NLGN1: variants seen among roughly 807,000 people sequenced by gnomAD.
The protein encoded by NLGN1 is neuroligin-1.
In NLGN1, 12 loss-of-function variants were observed where a neutral mutation model predicts 65.5. The ratio of observed to expected loss-of-function variants is 0.18; its 90% CI spans 0.12 to 0.30. The LOEUF is 0.30. NLGN1 is among the 10% of genes least tolerant of loss of function. NLGN1 has a pLI of 1.00. For synonymous variants in NLGN1, 350 were observed against 359.5 expected (o/e 0.97, Z 0.30); for missense variants, 750 against 1,007.1 (o/e 0.74, Z 3.46).
intron 1 of NLGN1, among the ~76,000 whole-genome samples, chr3:173,406,506 A>G (rs1385639619): frequency 1.4e-5 from 2 of 147,912 alleles, no homozygotes; most frequent in South Asian, 2.1e-4. Context: ...AAATATATAT[A>G]TGAATCACAT....
rs548863081 is a variant in NLGN1, at chr3:174,038,625, A to G, written c.646+230793A>G. 1.4e-4 allele frequency among the ~76,000 whole-genome samples: 21 copies of G among 152,146 alleles called. No individual in the cohort carries two copies. The South Asian group carries it at 2.3e-3, about 17-fold the overall frequency. The stretch of plus-strand genomic sequence containing the variant: ...TCCTCCATGTGCTACATCTTATGGA[A>G]TATTTACTCTAAGGTTACCCCCCTG... On this transcript the variant is annotated intron_variant, in intron 4 of 6. Coordinates refer to ENST00000457714, the Ensembl canonical transcript of NLGN1.
intron 2 of NLGN1, among the ~76,000 whole-genome samples, chr3:173,471,314 A>G (rs183818248): frequency 1.1e-3 from 160 of 152,262 alleles, no homozygotes; most frequent in African/African-American, 3.6e-3. Context: ...TGAGATCAAG[A>G]CATCAGTAGG....
At chr3:173,699,344 A>T (rs1766754677) in intron 3 of NLGN1, among the ~76,000 whole-genome samples, 1 of 152,216 alleles carries the variant, frequency 6.6e-6, no homozygotes, top group African/African-American at 2.4e-5. Flanking sequence ...ATCCAAAATC[A>T]ACTTGACGTT....
At chr3:173,566,183 G>T (rs960378314) in intron 2 of NLGN1, among the ~76,000 whole-genome samples, 2 of 152,096 alleles carry the variant, frequency 1.3e-5, no homozygotes, top group Non-Finnish European at 2.9e-5. Flanking sequence ...GACTGTATCT[G>T]GTTAGTAAAT....
intron 4 of NLGN1, among the ~76,000 whole-genome samples, chr3:173,862,795 G>A (rs1052388237): frequency 1.3e-5 from 2 of 151,966 alleles, no homozygotes; most frequent in Admixed American, 1.3e-4. Context: ...TGATTTGGTT[G>A]GCAAGATATC....
At chr3:173,940,079 G>GTTTTTTT (rs1745752029) in intron 4 of NLGN1, among the ~76,000 whole-genome samples, 27 of 90,036 alleles carry the variant, frequency 3.0e-4, no homozygotes, top group Non-Finnish European at 3.8e-4. Flanking sequence ...AATAGTTATA[G>GTTTTTTT]CTTTTTTTTT....
intron 2 of NLGN1, among the ~76,000 whole-genome samples, chr3:173,567,617 T>C (rs181844432): frequency 1.3e-5 from 2 of 151,456 alleles, no homozygotes; most frequent in African/African-American, 4.8e-5. Context: ...TTTTATATAA[T>C]ATAATAAAAT....
Position 173,798,314 on chromosome 3 carries a change from G to A in NLGN1, c.494-9366G>A, listed in dbSNP as rs567041711. 2.6e-5 allele frequency among the ~76,000 whole-genome samples: 4 copies of A among 152,178 alleles called. No individual in the cohort carries two copies. The South Asian group carries it at 8.3e-4, about 32-fold the overall frequency. ...TGAATAAAACCATAATTTCTACATA[G>A]CAGCCTAGAAAATAGAAATGTATAT... On this transcript the variant is annotated intron_variant, in intron 3 of 6. Coordinates refer to ENST00000457714, the Ensembl canonical transcript of NLGN1.
At chr3:173,718,078 T>G (rs964047975) in intron 3 of NLGN1, among the ~76,000 whole-genome samples, 8 of 152,124 alleles carry the variant, frequency 5.3e-5, no homozygotes, top group Admixed American at 5.2e-4. Context: ...ACTTAAATAC[T>G]ATGTGTAGCG....
At chr3:173,953,221 A>G (rs571386473) in intron 4 of NLGN1, among the ~76,000 whole-genome samples, 5 of 152,350 alleles carry the variant, frequency 3.3e-5, no homozygotes, top group African/African-American at 1.2e-4. Context: ...CTGTCAGAGA[A>G]AAGAATTCAC....
intron 4 of NLGN1, among the ~76,000 whole-genome samples, chr3:173,837,318 T>A (rs1723822249): frequency 6.6e-6 from 1 of 152,126 alleles, no homozygotes; most frequent in South Asian, 2.1e-4. Context: ...GGCATATACT[T>A]TAGAGTAACA....
intron 3 of NLGN1, among the ~76,000 whole-genome samples, chr3:173,700,420 A>C (rs1159539624): frequency 6.6e-6 from 1 of 152,240 alleles, no homozygotes; most frequent in Non-Finnish European, 1.5e-5. Flanking sequence ...TCTCTGTATT[A>C]CTGTAATGTA....
chr3:173,678,976 G>C (rs1763559420), intron 3 of NLGN1, among the ~76,000 whole-genome samples: 1 of 151,982 alleles, frequency 6.6e-6, no homozygotes. Context: ...AAAAAGTATG[G>C]TAAATGGAGC....
chr3:173,978,834 T>TAAAAA (rs34496124), intron 4 of NLGN1, among the ~76,000 whole-genome samples: 1 of 111,272 alleles, frequency 9.0e-6, no homozygotes, highest in Non-Finnish European at 1.9e-5. Flanking sequence ...CTTCTCTAAT[T>TAAAAA]AAAAAAAAAA....
intron 3 of NLGN1, among the ~76,000 whole-genome samples, chr3:173,686,126 A>G (rs1431353253): frequency 6.6e-6 from 1 of 152,172 alleles, no homozygotes; most frequent in African/African-American, 2.4e-5. Flanking sequence ...TGGTCACAGT[A>G]CACAATTGAT....
chr3:173,939,030 A>G (rs1040230895), intron 4 of NLGN1, among the ~76,000 whole-genome samples: 5 of 152,226 alleles, frequency 3.3e-5, no homozygotes, highest in African/African-American at 4.8e-5. Context: ...ATTTTAAAGT[A>G]TGACTGAACA....
chr3:173,918,112 A>G (rs1579179126), intron 4 of NLGN1, among the ~76,000 whole-genome samples: 1 of 152,168 alleles, frequency 6.6e-6, no homozygotes, highest in Admixed American at 6.5e-5. Context: ...CAATTATAGT[A>G]CTTGTTCTTA....
intron 4 of NLGN1, among the ~76,000 whole-genome samples, chr3:174,257,522 G>T (rs1273208099): frequency 6.6e-6 from 1 of 152,096 alleles, no homozygotes; most frequent in Non-Finnish European, 1.5e-5. Context: ...GCCCATCAAA[G>T]ATAGACTGGA....
At chr3:173,864,746 G>A (rs897648441) in intron 4 of NLGN1, among the ~76,000 whole-genome samples, 2 of 152,126 alleles carry the variant, frequency 1.3e-5, no homozygotes, top group Admixed American at 1.3e-4. Flanking sequence ...GAAGGCAGGA[G>A]TCCCCTCCAT....
Sources: allele counts gnomAD v4.1 joint callset (sites outside exome capture counted in the v4.1 genomes callset), GRCh38; gene constraint gnomAD v4.1.1; transcripts MANE v1.5; gene names NCBI Gene and HGNC (gene_info 2026-07-23, HGNC 2026-07-21).